The following FRMD4A variants were observed in gnomAD, a reference collection of about 807,000 sequenced individuals.
FRMD4A encodes FERM domain-containing protein 4A.
A neutral mutation model predicts 129.1 loss-of-function variants in FRMD4A; 29 were observed. The observed-to-expected ratio is 0.22, with a 90% confidence interval of 0.17 to 0.31. The LOEUF (loss-of-function observed/expected upper bound fraction) is 0.31. Ranked by LOEUF, FRMD4A falls within the 10% of genes least tolerant of loss-of-function variation. FRMD4A has a pLI of 1.00. For synonymous variants in FRMD4A, 634 were observed against 571.6 expected, an observed-to-expected ratio of 1.11 and a Z score of -1.56; for missense variants, 1,272 against 1,375.8, an observed-to-expected ratio of 0.92 and a Z score of 1.19.
chr10:13,884,168 T>TCA (rs745788719), intron 2 of FRMD4A, among the ~76,000 whole-genome samples: 1,446 of 67,320 alleles, frequency 0.021, 76 homozygotes, highest in East Asian at 0.16. Context: ...ACACACACAC[T>TCA]CACACACTCA....
At chr10:14,145,232 T>C (rs1356460607) in intron 2 of FRMD4A, among the ~76,000 whole-genome samples, 1 of 152,200 alleles carries the variant, frequency 6.6e-6, no homozygotes, top group Non-Finnish European at 1.5e-5. Context: ...TCGAATTCTA[T>C]TCCTAACTCT....
intron 2 of FRMD4A, among the ~76,000 whole-genome samples, chr10:14,216,520 T>A (rs1843080878): frequency 6.6e-6 from 1 of 151,996 alleles, no homozygotes; most frequent in South Asian, 2.1e-4. Context: ...ATAAAGAAAA[T>A]TTTAAAAATG....
intron 2 of FRMD4A, among the ~76,000 whole-genome samples, chr10:14,076,829 CA>C (rs1477578612): frequency 6.6e-6 from 1 of 152,166 alleles, no homozygotes; most frequent in Non-Finnish European, 1.5e-5. Flanking sequence ...CCATTGAAAT[CA>C]ACTACTTGTG....
At chr10:14,031,129 G>T (rs1425076489) in intron 2 of FRMD4A, among the ~76,000 whole-genome samples, 2 of 152,214 alleles carry the variant, frequency 1.3e-5, no homozygotes, top group African/African-American at 4.8e-5. Flanking sequence ...GTCGCCACCA[G>T]AAGTGTGCAA....
At chr10:13,956,736 T>C (rs2457849) in intron 2 of FRMD4A, among the ~76,000 whole-genome samples, 69,136 of 152,142 alleles carry the variant, frequency 0.45, 16,678 homozygotes, top group East Asian at 0.83. Flanking sequence ...TACTAGACAA[T>C]TAAGCAGTGA....
intron 3 of FRMD4A, among the ~76,000 whole-genome samples, chr10:13,849,752 T>G (rs1488003166): frequency 1.3e-5 from 2 of 151,130 alleles, no homozygotes; most frequent in Non-Finnish European, 2.9e-5. Context: ...GTGTTGGGAT[T>G]ACAGGTGTGA....
chr10:13,922,341 G>A (rs879527432), intron 2 of FRMD4A, among the ~76,000 whole-genome samples: 3 of 151,878 alleles, frequency 2.0e-5, no homozygotes, highest in Non-Finnish European at 4.4e-5. Flanking sequence ...ATAAAGACAG[G>A]CAATGGTCTT....
intron 2 of FRMD4A, among the ~76,000 whole-genome samples, chr10:14,203,744 G>A (rs559676282): frequency 6.6e-6 from 1 of 152,294 alleles, no homozygotes; most frequent in South Asian, 2.1e-4. Context: ...TCTATTGGGA[G>A]GGGAATTATG....
At chr10:13,872,433 G>A (rs180941559) in intron 2 of FRMD4A, among the ~76,000 whole-genome samples, 132 of 152,348 alleles carry the variant, frequency 8.7e-4, no homozygotes, top group Middle Eastern at 3.4e-3. Context: ...TGTGGCACCC[G>A]CACTCATTAC....
chr10:13,965,558 G>A (rs1055792450), intron 2 of FRMD4A, among the ~76,000 whole-genome samples: 1 of 152,146 alleles, frequency 6.6e-6, no homozygotes, highest in Non-Finnish European at 1.5e-5. Context: ...GGATTTTCCT[G>A]CAATCCCTGT....
chr10:13,844,765 G>A (rs374064559), intron 3 of FRMD4A, among the ~76,000 whole-genome samples: 1 of 152,240 alleles, frequency 6.6e-6, no homozygotes, highest in Non-Finnish European at 1.5e-5. Context: ...GGCCCTGCTA[G>A]TCGCATGCTC....
At chr10:13,942,053 G>T (rs1262865128) in intron 2 of FRMD4A, among the ~76,000 whole-genome samples, 1 of 152,130 alleles carries the variant, frequency 6.6e-6, no homozygotes, top group African/African-American at 2.4e-5. Context: ...GGAAGGTGTG[G>T]TTTTCTGAAG....
chr10:14,039,435 T>TC (rs1565204637), intron 2 of FRMD4A, among the ~76,000 whole-genome samples: 7 of 150,574 alleles, frequency 4.6e-5, no homozygotes, highest in African/African-American at 1.7e-4. Context: ...TCTATCTATA[T>TC]TGGAACCCCA....
At chr10:14,250,871 G>A (rs1006224547) in intron 2 of FRMD4A, among the ~76,000 whole-genome samples, 8 of 152,072 alleles carry the variant, frequency 5.3e-5, no homozygotes, top group South Asian at 2.1e-4. Flanking sequence ...GCACCTACAG[G>A]GCTAATAGTA....
intron 2 of FRMD4A, among the ~76,000 whole-genome samples, chr10:14,247,789 C>T (rs1373348255): frequency 6.6e-6 from 1 of 152,198 alleles, no homozygotes; most frequent in Non-Finnish European, 1.5e-5. Flanking sequence ...AGCCCAGCCT[C>T]TGTCCTCTGC....
rs34778395 is a variant in FRMD4A at position 13,759,432 on chromosome 10, C to T, written c.464+2215G>A. Among the ~76,000 whole-genome samples the T allele has an allele frequency of 5.8e-3, 879 of 152,332 alleles. 16 individuals carry two copies. The highest frequency in any genetic ancestry group is 0.038 in the Admixed American group (588 of 15,300). ...GTTCCCATGATCCGTGGGGCCAGAT[C>T]ATGCTATTCCCAGTTCACATTCCAT... On this transcript the variant is annotated intron_variant, in intron 8 of 24. Transcript: ENST00000357447.
rs570286519 is a variant in FRMD4A at position 13,821,123 on chromosome 10, G to A, written c.112-10215C>T. Among the ~76,000 whole-genome samples, 9 of 152,292 alleles carry A rather than the reference G, an allele frequency of 5.9e-5. No homozygotes were observed. The East Asian group carries it at 1.3e-3, about 23-fold the overall frequency. ...AGCGGCTGCTCATTATTCCCGGGGA[G>A]GGGAAGCTGCTGCGGGGGGTGCATG... On this transcript the variant is annotated intron_variant, in intron 3 of 24. Transcript: ENST00000357447. This position sits in a 1 kb window ranked among gnomAD's most constrained non-coding sequence, Gnocchi z 4.3.
chr10:13,939,087 G>A (rs559890870), intron 2 of FRMD4A, among the ~76,000 whole-genome samples: 3 of 152,282 alleles, frequency 2.0e-5, no homozygotes, highest in East Asian at 1.9e-4. Flanking sequence ...TGAGAAACCC[G>A]AGGGTTAAGA....
chr10:13,882,384 G>T (rs1426242162), intron 2 of FRMD4A, among the ~76,000 whole-genome samples: 1 of 152,212 alleles, frequency 6.6e-6, no homozygotes, highest in African/African-American at 2.4e-5. Context: ...CTCGAGGCAG[G>T]CATGGTGAGT....
Sources: allele counts gnomAD v4.1 joint callset (sites outside exome capture counted in the v4.1 genomes callset), GRCh38; gene constraint gnomAD v4.1.1; non-coding constraint Gnocchi (gnomAD v3.1); transcripts MANE v1.5; gene names NCBI Gene and HGNC (gene_info 2026-07-23, HGNC 2026-07-21).